The following MTOR variants were observed in gnomAD, a reference collection of about 807,000 sequenced individuals.
MTOR encodes the protein serine/threonine-protein kinase mTOR.
In MTOR, 70 loss-of-function variants were observed where a neutral mutation model predicts 319.8. That is an observed-to-expected ratio of 0.22 (90% CI 0.18 to 0.27). MTOR has a LOEUF of 0.27. Among genes scored for constraint, MTOR ranks in the 10% least tolerant of loss-of-function variants. MTOR has a pLI of 1.00. For missense variants in MTOR, 1,890 were observed against 3,274.4 expected, an observed-to-expected ratio of 0.58 and a Z score of 10.32; for synonymous variants, 1,183 against 1,211.4, an observed-to-expected ratio of 0.98 and a Z score of 0.49.
At chr1:11,258,186 C>T (rs1018333764) in intron 3 of MTOR, among the ~76,000 whole-genome samples, 7 of 152,144 alleles carry the variant, frequency 4.6e-5, no homozygotes, top group African/African-American at 1.4e-4. Context: ...ATGCGAAACC[C>T]TGCTCTACTG....
At chr1:11,186,082 C>CAAAAAAAA (rs765868801) in intron 28 of MTOR, among the ~76,000 whole-genome samples, 1 of 43,008 alleles carries the variant, frequency 2.3e-5, no homozygotes, top group African/African-American at 8.4e-5. Flanking sequence ...GACTCCGTCT[C>CAAAAAAAA]AAAAAAAAAA....
chr1:11,224,152 A>G (rs1461927055), intron 19 of MTOR, among the ~76,000 whole-genome samples: 1 of 152,098 alleles, frequency 6.6e-6, no homozygotes, highest in African/African-American at 2.4e-5. Flanking sequence ...TAAAAGACAA[A>G]CATTTTTAAA....
At chr1:11,175,962 G>A (rs113904925) in intron 28 of MTOR, among the ~76,000 whole-genome samples, 8,971 of 152,136 alleles carry the variant, frequency 0.059, 372 homozygotes, top group South Asian at 0.12. Context: ...TGGCCAGGCT[G>A]GTCTTGAACT....
chr1:11,114,887 C>A lies in MTOR; in HGVS notation c.7090G>T (p.Val2364Phe). 2 of 1,613,652 alleles carry A rather than the reference C, an allele frequency of 1.2e-6. No homozygotes were observed. The highest frequency in any genetic ancestry group is 1.7e-6 in the Non-Finnish European group (2 of 1,179,676). Residue 2364 changes from valine to phenylalanine, a missense_variant and splice_region_variant, in exon 52 of 58, where the codon GTT becomes TTT. Physicochemically the swap from Val to Phe is conservative, Grantham distance 50. Transcript: ENST00000361445. ...GGAAACTTCTCTCGGGTCATAGCAA[C>A]CTACAGAATAATAAATGGGAAAAGC... ...LHIDFGDCFE[V>F]AMTREKFPEK...
chr1:11,258,447 G>C, intron 3 of MTOR, 38 bp downstream of exon 3: 1 of 1,392,938 alleles, frequency 7.2e-7, no homozygotes, highest in Non-Finnish European at 1.0e-6. Context: ...GCACAAAGGT[G>C]AGTGTGTTGT....
chr1:11,143,944 C>T (rs551954608), intron 34 of MTOR: 2 of 152,244 alleles, frequency 1.3e-5, no homozygotes, highest in African/African-American at 4.8e-5. Context: ...ACTCCTGACT[C>T]CCAGACCTGG....
chr1:11,259,440 C>T lies in MTOR; in HGVS notation c.-14-17G>A. ...CCTGAGGTTCTTTAGAGAGAAGTTT[C>T]CTTTAATATTCTGGATAAGAAAGTA... On this transcript the variant is annotated splice_polypyrimidine_tract_variant and intron_variant, in intron 1 of 57. Coordinates refer to ENST00000361445, the MANE Select transcript of MTOR (RefSeq NM_004958.4). 1 of 1,517,300 alleles carries T rather than the reference C, an allele frequency of 6.6e-7. No homozygotes were observed. 94.0% of individuals were successfully genotyped at this position (1,517,300 alleles called of 1,614,324 possible). A position where few individuals can be genotyped will look rare whatever the true frequency, so the allele number is the denominator to read the frequency against.
In MTOR at chr1:11,203,417, G is replaced by A. The variant is rs1405651777; in HGVS notation, c.3944+1144C>T. Among the ~76,000 whole-genome samples the A allele has an allele frequency of 2.6e-5, 4 of 152,218 alleles. No homozygotes were observed. The East Asian group carries it at 5.8e-4, about 22-fold the overall frequency. On this transcript the variant is annotated intron_variant, in intron 26 of 57. Coordinates refer to ENST00000361445, the MANE Select transcript of MTOR (RefSeq NM_004958.4). The stretch of plus-strand genomic sequence containing the variant: ...AATTTTGGCCAAGTGGCTCATGTCT[G>A]TAATCCCAGCACTTTGAAAGGCCAA...
intron 28 of MTOR, among the ~76,000 whole-genome samples, chr1:11,168,271 T>G (rs963370269): frequency 6.6e-6 from 1 of 151,688 alleles, no homozygotes; most frequent in Non-Finnish European, 1.5e-5. Flanking sequence ...CTCGGACTCC[T>G]GGGCTCAAGT....
Position 11,247,910 on chromosome 1 carries a change from A to G in MTOR, c.1025T>C (p.Leu342Pro), listed in dbSNP as rs1015621268. 1.9e-6 allele frequency: 3 copies of G among 1,614,124 alleles called. No individual in the cohort carries two copies. In the African/African-American group the frequency reaches 4.0e-5, roughly 22 times the overall value. The part of the protein sequence containing the change: ...GLLGYSSHQG[L>P]MGFGTSPSPA... ...ACTGGGGGAGGTCCCAAATCCCATGAGGCCTTGGTGAGAGCTGTACCCCAG... is the reference window on the plus strand; with the variant it reads ...ACTGGGGGAGGTCCCAAATCCCATGGGGCCTTGGTGAGAGCTGTACCCCAG... Residue 342 changes from leucine to proline, a missense_variant, in exon 7 of 58, where the codon CTC (leucine) becomes CCC (proline). Transcript: ENST00000361445.
intron 37 of MTOR, 99 bp downstream of exon 37, chr1:11,134,252 A>C: frequency 1.0e-6 from 1 of 993,632 alleles, no homozygotes; most frequent in Non-Finnish European, 1.5e-6. Context: ...AGATGTCAGC[A>C]ATCAGCCACC....
intron 29 of MTOR, among the ~76,000 whole-genome samples, chr1:11,159,059 G>T (rs1398969636): frequency 6.6e-6 from 1 of 152,194 alleles, no homozygotes; most frequent in East Asian, 1.9e-4. Context: ...TGAAGATGGA[G>T]AAAGTTTCAT....
intron 45 of MTOR, 99 bp from the exon 46 acceptor site, chr1:11,126,895 T>G: frequency 6.3e-7 from 1 of 1,574,916 alleles, no homozygotes; most frequent in Non-Finnish European, 8.6e-7. Flanking sequence ...CAATTACTTG[T>G]CCCAAAGCAG....
chr1:11,189,480 A>C, intron 28 of MTOR: 2 of 1,381,108 alleles, frequency 1.4e-6, no homozygotes, highest in Non-Finnish European at 2.0e-6. Flanking sequence ...TCAGAGTGAA[A>C]GCGTAAGGTT....
chr1:11,134,616 C>G (rs888731729), intron 36 of MTOR, 150 bp from the exon 37 acceptor site: 4 of 617,826 alleles, frequency 6.5e-6, no homozygotes. Context: ...GACAGAGGAC[C>G]AGGGCGTGAT....
intron 46 of MTOR, among the ~76,000 whole-genome samples, chr1:11,125,151 C>T (rs143210523): frequency 6.6e-6 from 1 of 152,304 alleles, no homozygotes; most frequent in African/African-American, 2.4e-5. Flanking sequence ...TCTAGCTGGG[C>T]TCCTTGCTCT....
At chr1:11,173,690 C>T (rs1644896629) in intron 28 of MTOR, among the ~76,000 whole-genome samples, 1 of 152,174 alleles carries the variant, frequency 6.6e-6, no homozygotes, top group South Asian at 2.1e-4. Flanking sequence ...TAATTTCCTA[C>T]AGGACTTTCT....
At chr1:11,236,406 TG>T (rs1344889680) in intron 13 of MTOR, among the ~76,000 whole-genome samples, 2 of 152,014 alleles carry the variant, frequency 1.3e-5, no homozygotes, top group Non-Finnish European at 2.9e-5. Flanking sequence ...CCCAATGTGC[TG>T]GGATAACAGA....
chr1:11,148,972 C>T (rs1644044114), intron 31 of MTOR, among the ~76,000 whole-genome samples: 2 of 151,804 alleles, frequency 1.3e-5, no homozygotes, highest in South Asian at 4.2e-4. Context: ...CACTATGTTG[C>T]CCAGGCTGAT....
Sources: allele counts gnomAD v4.1 joint callset (sites outside exome capture counted in the v4.1 genomes callset), GRCh38; gene constraint gnomAD v4.1.1; transcripts MANE v1.5; gene names NCBI Gene and HGNC (gene_info 2026-07-23, HGNC 2026-07-21).